Variants in CREB5 observed in about 807,000 individuals in gnomAD.
CREB5 encodes cAMP responsive element binding protein 5, also known as cyclic AMP-responsive element-binding protein 5.
In CREB5, 19 loss-of-function variants were observed where a neutral mutation model predicts 57.1. The ratio of observed to expected loss-of-function variants is 0.33; its 90% CI spans 0.23 to 0.49. The LOEUF (loss-of-function observed/expected upper bound fraction) is 0.49. Ranked by LOEUF, CREB5 falls within the 20% of genes least tolerant of loss-of-function variation. The pLI is 0.99. For missense variants in CREB5, 579 were observed against 671.6 expected, an observed-to-expected ratio of 0.86 and a Z score of 1.52; for synonymous variants, 238 against 238.3, an observed-to-expected ratio of 1.00 and a Z score of 0.01.
rs898246322 is a variant in CREB5, at chr7:28,388,747, C to T, written c.-25+89306C>T. 4.5e-4 allele frequency among the ~76,000 whole-genome samples: 68 copies of T among 152,170 alleles called. 1 individual carries two copies. The highest frequency in any genetic ancestry group is 1.5e-3 in the African/African-American group (62 of 41,436). ...TCCTTGCTTACTTCTTTCTCAATCACGCATAATGCCTCAACTCTTAGAGCT... is the reference window on the plus strand; with the variant it reads ...TCCTTGCTTACTTCTTTCTCAATCATGCATAATGCCTCAACTCTTAGAGCT... On this transcript the variant is annotated intron_variant, in intron 1 of 9. Transcript: ENST00000396299.
At chr7:28,704,609 A>G (rs1802017901) in intron 5 of CREB5, among the ~76,000 whole-genome samples, 1 of 151,850 alleles carries the variant, frequency 6.6e-6, no homozygotes, top group African/African-American at 2.4e-5. Flanking sequence ...CAGGCACCCC[A>G]CCATGCCTGG....
intron 4 of CREB5, among the ~76,000 whole-genome samples, chr7:28,540,773 T>A (rs1355798707): frequency 1.3e-5 from 2 of 152,172 alleles, no homozygotes; most frequent in East Asian, 3.8e-4. Flanking sequence ...AAGGTGTGAT[T>A]GTAAGAAGGT....
intron 5 of CREB5, among the ~76,000 whole-genome samples, chr7:28,622,848 C>G (rs1474412546): frequency 6.6e-6 from 1 of 152,014 alleles, no homozygotes; most frequent in Non-Finnish European, 1.5e-5. Flanking sequence ...TAGTGAGACC[C>G]CCATCTCTAT....
At chr7:28,813,896 G>A (rs1266170851) in intron 9 of CREB5, among the ~76,000 whole-genome samples, 1 of 152,130 alleles carries the variant, frequency 6.6e-6, no homozygotes, top group African/African-American at 2.4e-5. Flanking sequence ...AAAAAATGAA[G>A]AGTTGATTTC....
At chr7:28,697,493 C>T (rs887888920) in intron 5 of CREB5, among the ~76,000 whole-genome samples, 2 of 152,100 alleles carry the variant, frequency 1.3e-5, no homozygotes, top group African/African-American at 2.4e-5. Flanking sequence ...TATCTCCTCC[C>T]GTAAGTCACC....
chr7:28,808,652 C>A (rs1324530092), intron 8 of CREB5, among the ~76,000 whole-genome samples: 3 of 152,022 alleles, frequency 2.0e-5, no homozygotes, highest in Admixed American at 6.6e-5. Context: ...AAGCCTCCCA[C>A]CTCAGCCTCC....
chr7:28,675,923 A>G lies in CREB5; in HGVS notation c.465-42830A>G, dbSNP rs573733452. Among the ~76,000 whole-genome samples the G allele has an allele frequency of 3.3e-5, 5 of 152,296 alleles. 1 individual carries two copies. The highest frequency in any genetic ancestry group is 1.2e-4 in the African/African-American group (5 of 41,570). ...GGCGAGTTACAGGCATTTATAGCTTATTTATTTCTGAAAGTCTCTAGAATT... is the reference window on the plus strand; with the variant it reads ...GGCGAGTTACAGGCATTTATAGCTTGTTTATTTCTGAAAGTCTCTAGAATT... On this transcript the variant is annotated intron_variant, in intron 5 of 10. Transcript: ENST00000357727.
At chr7:28,602,956 T>C (rs1385527279) in intron 5 of CREB5, among the ~76,000 whole-genome samples, 1 of 152,238 alleles carries the variant, frequency 6.6e-6, no homozygotes, top group Admixed American at 6.5e-5. Context: ...ATGTTACCAT[T>C]GGAGGAAACT....
At chr7:28,316,217 G>A (rs1209221190) in intron 1 of CREB5, among the ~76,000 whole-genome samples, 1 of 152,110 alleles carries the variant, frequency 6.6e-6, no homozygotes, top group African/African-American at 2.4e-5. Flanking sequence ...TATGGTTTGG[G>A]CTGGGGGTGG....
chr7:28,360,385 C>T (rs1562674287), intron 1 of CREB5, among the ~76,000 whole-genome samples: 1 of 152,132 alleles, frequency 6.6e-6, no homozygotes, highest in Admixed American at 6.5e-5. Context: ...GTTATTCAGC[C>T]TTTAAAAAGA....
intron 1 of CREB5, among the ~76,000 whole-genome samples, chr7:28,330,663 C>A (rs1785699405): frequency 6.6e-6 from 1 of 151,356 alleles, no homozygotes; most frequent in Non-Finnish European, 1.5e-5. Context: ...ACTGAGTCTC[C>A]CAGCTGAAGG....
At position 28,551,985 on chromosome 7, in the gene CREB5, CTTTCTCTCT is replaced by C. The variant is rs1042901776; in HGVS notation, c.292-18370_292-18362del. ...TTTTTTATTCTCTCTTTCTCTCTCTCTTTCTCTCTTTTCTCTCTCTCTCTCTTTTCTCTC... is the reference window on the plus strand; with the variant it reads ...TTTTTTATTCTCTCTTTCTCTCTCTCTTTCTCTCTCTCTCTCTTTTCTCTC... On this transcript the variant is annotated intron_variant, in intron 4 of 10. Coordinates refer to ENST00000357727, the MANE Select transcript of CREB5 (RefSeq NM_182898.4). Among the ~76,000 whole-genome samples the C allele has an allele frequency of 1.7e-4, 14 of 82,790 alleles. 1 individual carries two copies. Among genetic ancestry groups the C allele is most frequent in the Middle Eastern group, 6.9e-3 (1 of 144 alleles). The allele number at this position is 82,790 out of a possible 152,430, so 54.3% of individuals were successfully genotyped here. A position where few individuals can be genotyped will look rare whatever the true frequency, so the allele number is the denominator to read the frequency against.
chr7:28,640,554 A>G (rs1250392639), intron 5 of CREB5, among the ~76,000 whole-genome samples: 1 of 152,226 alleles, frequency 6.6e-6, no homozygotes, highest in Non-Finnish European at 1.5e-5. Context: ...AAAATTACAT[A>G]GAAAGTGTTT....
chr7:28,450,657 C>A, intron 1 of CREB5, among the ~76,000 whole-genome samples: 1 of 152,316 alleles, frequency 6.6e-6, no homozygotes. Context: ...ACCCCCTGCT[C>A]TCTGTCTGTT....
At chr7:28,490,015 G>GAGA (rs1377244948) in intron 2 of CREB5, among the ~76,000 whole-genome samples, 1 of 152,192 alleles carries the variant, frequency 6.6e-6, no homozygotes, top group Non-Finnish European at 1.5e-5. Context: ...CTTCTTTGAA[G>GAGA]AGAAGTCTTG....
rs564598110 is a variant in CREB5, at chr7:28,311,758, T to C, written c.-25+12317T>C. Among the ~76,000 whole-genome samples, 18 of 152,302 alleles carry C rather than the reference T, an allele frequency of 1.2e-4. No individual in the cohort carries two copies. The South Asian group carries it at 3.7e-3, about 32-fold the overall frequency. ...GCAAGGTACGGCACCTCTCTGGACT[T>C]CCGTGGCTTGTCATTGAAGACCCTG... is the stretch of plus-strand genomic sequence containing the variant. On this transcript the variant is annotated intron_variant, in intron 1 of 9. Coordinates refer to the CREB5 transcript ENST00000396299.
At chr7:28,785,747 A>C (rs1361418726) in intron 7 of CREB5, among the ~76,000 whole-genome samples, 1 of 152,174 alleles carries the variant, frequency 6.6e-6, no homozygotes, top group African/African-American at 2.4e-5. Flanking sequence ...GGAGTGGGTC[A>C]GTGGAGAGAG....
At chr7:28,335,325 G>A (rs190951780) in intron 1 of CREB5, among the ~76,000 whole-genome samples, 3 of 151,972 alleles carry the variant, frequency 2.0e-5, no homozygotes, top group African/African-American at 7.2e-5. Context: ...TCCAACACAT[G>A]AACATGAAAT....
intron 5 of CREB5, among the ~76,000 whole-genome samples, chr7:28,653,856 G>T (rs1799234244): frequency 6.6e-6 from 1 of 152,194 alleles, no homozygotes; most frequent in African/African-American, 2.4e-5. Context: ...AATTGGCTCT[G>T]GCAAAGCAAG....
Sources: gnomAD v4.1 joint callset for allele counts (sites outside exome capture counted in the v4.1 genomes callset) on GRCh38, gnomAD v4.1.1 for gene constraint, MANE v1.5 for transcripts, NCBI Gene and HGNC (gene_info 2026-07-23, HGNC 2026-07-21) for gene names.